Variants in CCDC152 observed in about 807,000 individuals in gnomAD.
CCDC152 encodes coiled-coil domain-containing protein 152.
CCDC152 carries 37 observed loss-of-function variants against 38.1 expected under a neutral mutation model. That is an observed-to-expected ratio of 0.97 (90% confidence interval 0.75 to 1.28). The LOEUF (loss-of-function observed/expected upper bound fraction) is 1.28. Among genes scored for constraint, CCDC152 ranks in the 50% most tolerant of loss-of-function variants. CCDC152 has a pLI of 0.00. For missense variants in CCDC152, 259 were observed against 292.1 expected (o/e 0.89, Z 0.83); for synonymous variants, 83 against 87.1 (o/e 0.95, Z 0.26).
rs186961746 is a variant in CCDC152, at chr5:42,761,236, G to C, written c.88-1207G>C. 1.1e-4 allele frequency among the ~76,000 whole-genome samples: 16 copies of C among 152,306 alleles called. No homozygotes were observed. The East Asian group carries it at 2.9e-3, about 28-fold the overall frequency. ...TTAACCATTACAAAAAGTAGAATAT[G>C]GCCTCTGTCTGTCTCTCTCTCAGTA... On this transcript the variant is annotated intron_variant, in intron 2 of 8. Transcript: ENST00000361970.
chr5:42,796,646 A>C (rs1254983202), intron 6 of CCDC152, among the ~76,000 whole-genome samples, 183 bp from the exon 7 acceptor site: 1 of 152,208 alleles, frequency 6.6e-6, no homozygotes, highest in Non-Finnish European at 1.5e-5. Flanking sequence ...TCTGTGTCTC[A>C]AACATTATTC....
At chr5:42,772,265 G>A (rs964176747) in intron 4 of CCDC152, among the ~76,000 whole-genome samples, 2 of 152,198 alleles carry the variant, frequency 1.3e-5, no homozygotes, top group Admixed American at 1.3e-4. Context: ...CATAGATAGA[G>A]AAGATAATAG....
At chr5:42,771,901 C>T (rs1387166003) in intron 4 of CCDC152, among the ~76,000 whole-genome samples, 1 of 152,154 alleles carries the variant, frequency 6.6e-6, no homozygotes, top group Non-Finnish European at 1.5e-5. Flanking sequence ...CACTTCCAAA[C>T]TCATCCTATG....
At chr5:42,760,164 C>T (rs546938403) in intron 2 of CCDC152, among the ~76,000 whole-genome samples, 161 of 152,054 alleles carry the variant, frequency 1.1e-3, no homozygotes, top group African/African-American at 3.7e-3. Context: ...ATTAGCCGGG[C>T]GTGGTGGCAG....
intron 6 of CCDC152, among the ~76,000 whole-genome samples, chr5:42,793,422 A>G (rs539181716): frequency 2.0e-5 from 3 of 152,312 alleles, no homozygotes; most frequent in South Asian, 4.1e-4. Flanking sequence ...AGATTTTGCT[A>G]TATATAAATT....
chr5:42,782,922 A>T (rs1320007276), intron 5 of CCDC152, among the ~76,000 whole-genome samples: 3 of 151,908 alleles, frequency 2.0e-5, no homozygotes, highest in African/African-American at 7.3e-5. Flanking sequence ...GCTGGAGTGC[A>T]GTGGTGCCAT....
intron 7 of CCDC152, 41 bp downstream of exon 7, chr5:42,796,997 T>G (rs1239983417): frequency 7.2e-7 from 1 of 1,385,548 alleles, no homozygotes; most frequent in African/African-American, 1.5e-5. Flanking sequence ...GACACATCCC[T>G]TAGTCTAAAC....
At position 42,801,193 on chromosome 5, in the gene CCDC152, C is replaced by T. The variant is rs1411464826; in HGVS notation, c.*1412C>T. 1 of 1,614,108 alleles carries T rather than the reference C, an allele frequency of 6.2e-7. No individual in the cohort carries two copies. Among genetic ancestry groups the T allele is most frequent in the East Asian group, 2.2e-5 (1 of 44,864 alleles). On this transcript the variant is annotated 3_prime_UTR_variant, in exon 9 of 9. Coordinates refer to ENST00000361970, the MANE Select transcript of CCDC152 (RefSeq NM_001134848.2). ...TTTGGTGCTCCTGGTTGCTGATTCT[C>T]TGAAAGCTCACTGCTGCCAAGGTGC...
At chr5:42,762,600 G>A in intron 3 of CCDC152, 52 bp downstream of exon 3, 3 of 930,516 alleles carry the variant, frequency 3.2e-6, no homozygotes, top group Non-Finnish European at 5.1e-6. Context: ...GTGTTTTTCA[G>A]TTCAACAGTG....
chr5:42,782,884 T>G (rs1759866300), intron 5 of CCDC152, among the ~76,000 whole-genome samples: 1 of 152,058 alleles, frequency 6.6e-6, no homozygotes, highest in Non-Finnish European at 1.5e-5. Context: ...ATTTTTTTTT[T>G]GAGACAGAGT....
At chr5:42,786,755 C>A (rs150763910) in intron 6 of CCDC152, among the ~76,000 whole-genome samples, 69 of 152,054 alleles carry the variant, frequency 4.5e-4, no homozygotes, top group African/African-American at 1.6e-3. Context: ...GTTAATGTTA[C>A]ATCTGTCTTC....
intron 6 of CCDC152, among the ~76,000 whole-genome samples, chr5:42,786,764 T>C (rs1034667608): frequency 2.6e-5 from 4 of 152,046 alleles, no homozygotes; most frequent in Non-Finnish European, 5.9e-5. Flanking sequence ...ACATCTGTCT[T>C]CCTCAGGTAG....
At chr5:42,785,791 G>A (rs1160510618) in intron 6 of CCDC152, among the ~76,000 whole-genome samples, 2 of 151,882 alleles carry the variant, frequency 1.3e-5, no homozygotes, top group African/African-American at 4.8e-5. Context: ...GTTATTTTGA[G>A]GTACGTTCCT....
At chr5:42,766,317 G>T (rs530832489) in intron 3 of CCDC152, among the ~76,000 whole-genome samples, 1 of 152,280 alleles carries the variant, frequency 6.6e-6, no homozygotes, top group African/African-American at 2.4e-5. Context: ...CTGTTGATGG[G>T]AAGGGAAATT....
chr5:42,786,245 C>T (rs1395278989), intron 6 of CCDC152, among the ~76,000 whole-genome samples: 1 of 151,810 alleles, frequency 6.6e-6, no homozygotes, highest in Non-Finnish European at 1.5e-5. Context: ...TACTCTAGTC[C>T]TGGGATTTTG....
At chr5:42,759,314 A>T (rs900953962) in intron 2 of CCDC152, 106 bp downstream of exon 2, 15 of 595,200 alleles carry the variant, frequency 2.5e-5, no homozygotes, top group Non-Finnish European at 2.9e-6. Context: ...AATGATCAAG[A>T]TAATAATATT....
At chr5:42,782,190 A>G (rs1299775343) in intron 5 of CCDC152, among the ~76,000 whole-genome samples, 1 of 152,206 alleles carries the variant, frequency 6.6e-6, no homozygotes, top group Non-Finnish European at 1.5e-5. Context: ...AGGAATATTT[A>G]TATAATTTTT....
chr5:42,766,422 A>AG (rs1200072940), intron 3 of CCDC152, among the ~76,000 whole-genome samples: 1 of 152,164 alleles, frequency 6.6e-6, no homozygotes, highest in Non-Finnish European at 1.5e-5. Flanking sequence ...GGGTATATAC[A>AG]CAGAAGAAAG....
chr5:42,800,476 G>GA lies in CCDC152; in HGVS notation c.*704dup, dbSNP rs930806262. The GA allele has an allele frequency of 1.5e-3, 627 of 407,160 alleles. No individual in the cohort carries two copies. The highest frequency in any genetic ancestry group is 4.7e-3 in the Middle Eastern group (7 of 1,496). 25.2% of individuals were successfully genotyped at this position (407,160 alleles called of 1,614,324 possible). A position where few individuals can be genotyped will look rare whatever the true frequency, so the allele number is the denominator to read the frequency against. On this transcript the variant is annotated 3_prime_UTR_variant, in exon 9 of 9. Transcript: ENST00000361970. ...TAAAGCAAATAGAACACTGGAAAAA[G>GA]AAAAAAAAAGACATATTAACCAAAA...
Sources: gnomAD v4.1 joint callset for allele counts (sites outside exome capture counted in the v4.1 genomes callset) on GRCh38, gnomAD v4.1.1 for gene constraint, MANE v1.5 for transcripts, NCBI Gene and HGNC (gene_info 2026-07-23, HGNC 2026-07-21) for gene names.